Variants in LZTFL1 observed in about 807,000 individuals in gnomAD.
LZTFL1 encodes leucine zipper transcription factor like 1, also known as leucine zipper transcription factor-like protein 1.
In LZTFL1, 25 loss-of-function variants were observed where a neutral mutation model predicts 45.9. That is an observed-to-expected ratio of 0.54 (90% CI 0.40 to 0.76). LZTFL1 has a LOEUF of 0.76. Ranked by LOEUF, LZTFL1 falls within the 30% of genes least tolerant of loss-of-function variation. The pLI, the probability that LZTFL1 is intolerant of heterozygous loss-of-function variation, is 0.00. For missense variants in LZTFL1, 277 were observed against 331.1 expected, an observed-to-expected ratio of 0.84 and a Z score of 1.27; for synonymous variants, 93 against 117.4, an observed-to-expected ratio of 0.79 and a Z score of 1.35.
exon 4 of LZTFL1, chr3:45,855,051 C>T: frequency 6.5e-7 from 1 of 1,533,780 alleles, no homozygotes; most frequent in Non-Finnish European, 8.7e-7. Context: ...TAGGGTACAA[C>T]TTGATGGATT....
In LZTFL1 at chr3:45,841,831, T is replaced by C. The variant is rs894609261; in HGVS notation, c.3+158A>G. The C allele has an allele frequency of 1.6e-5, 15 of 958,496 alleles. No homozygotes were observed. In the African/African-American group the frequency reaches 2.1e-4, roughly 14 times the overall value. 59.4% of individuals were successfully genotyped at this position (958,496 alleles called of 1,614,324 possible). Reference sequence around the variant, plus strand: ...AGGGCTTGGGCTGCGGTTAACCGAATCTCTCGCGCCCGGCGCAGCTCCCCT... The same window carrying C: ...AGGGCTTGGGCTGCGGTTAACCGAACCTCTCGCGCCCGGCGCAGCTCCCCT... On this transcript the variant is annotated intron_variant, in intron 1 of 9. Coordinates refer to ENST00000296135, the MANE Select transcript of LZTFL1 (RefSeq NM_020347.4).
intron 2 of LZTFL1, among the ~76,000 whole-genome samples, chr3:45,888,776 A>G (rs1404503284): frequency 6.6e-6 from 1 of 152,218 alleles, no homozygotes; most frequent in East Asian, 1.9e-4. Flanking sequence ...AGAATAAAAT[A>G]TTTGAGAAGT....
At chr3:45,882,147 T>C (rs1003545465) in intron 2 of LZTFL1, among the ~76,000 whole-genome samples, 1 of 152,230 alleles carries the variant, frequency 6.6e-6, no homozygotes, top group African/African-American at 2.4e-5. Flanking sequence ...TGCATTAATT[T>C]AGTCAGAAGA....
intron 2 of LZTFL1, chr3:45,902,011 T>C: frequency 1.0e-5 from 9 of 897,822 alleles, no homozygotes; most frequent in Non-Finnish European, 1.5e-5. Context: ...CAGAAAGGGA[T>C]GAATCTGAAC....
intron 7 of LZTFL1, among the ~76,000 whole-genome samples, chr3:45,829,608 G>GAAAAAAAAAAAAAAAAAAAAAAAAAAA (rs1206418827): frequency 1.7e-5 from 1 of 58,932 alleles, no homozygotes; most frequent in Admixed American, 2.4e-4. Context: ...TGTCTCAAAA[G>GAAAAAAAAAAAAAAAAAAAAAAAAAAA]AAAAAAAAAA....
chr3:45,897,436 A>T, intron 2 of LZTFL1: 1 of 704,316 alleles, frequency 1.4e-6, no homozygotes, highest in East Asian at 2.7e-5. Context: ...CCAGCAGGAC[A>T]CAATGTCCTT....
intron 4 of LZTFL1, among the ~76,000 whole-genome samples, chr3:45,848,401 A>T (rs756234898): frequency 6.6e-6 from 1 of 152,266 alleles, no homozygotes; most frequent in Non-Finnish European, 1.5e-5. Context: ...TACTTCCAGC[A>T]TCATTAGTGA....
Position 45,872,944 on chromosome 3 carries a change from T to C in LZTFL1, c.-214-13928A>G, listed in dbSNP as rs536495241. Among the ~76,000 whole-genome samples, 310 of 152,364 alleles carry C rather than the reference T, an allele frequency of 2.0e-3. 2 individuals are homozygous for C. The highest frequency in any genetic ancestry group is 0.017 in the Middle Eastern group (5 of 294). ...ATGTCTTAGAAAGAGTATTCTAATC[T>C]AAACTGAGGGCCAGGGCCAAGATAA... On this transcript the variant is annotated intron_variant, in intron 2 of 4. Coordinates refer to the LZTFL1 transcript ENST00000472635.
Position 45,831,876 on chromosome 3 carries a change from T to C in LZTFL1, c.457-738A>G, listed in dbSNP as rs550845787. Among the ~76,000 whole-genome samples, 3 of 152,328 alleles carry C rather than the reference T, an allele frequency of 2.0e-5. No homozygotes were observed. The East Asian group carries it at 5.8e-4, about 29-fold the overall frequency. Reference sequence around the variant, plus strand: ...TCTCTGCTACCCAGTATGACACCTGTAGCACACAGGAGAATATTCTCTGGT... The same window carrying C: ...TCTCTGCTACCCAGTATGACACCTGCAGCACACAGGAGAATATTCTCTGGT... On this transcript the variant is annotated intron_variant, in intron 5 of 9. Transcript: ENST00000296135.
At chr3:45,875,573 G>A (rs1046396829) in intron 2 of LZTFL1, among the ~76,000 whole-genome samples, 1 of 152,122 alleles carries the variant, frequency 6.6e-6, no homozygotes, top group African/African-American at 2.4e-5. Flanking sequence ...TGTAATCCTA[G>A]CACTTTAGGA....
At chr3:45,845,606 T>C (rs2125698181), upstream of LZTFL1, among the ~76,000 whole-genome samples, 1 of 152,332 alleles carries the variant, frequency 6.6e-6, no homozygotes, top group Non-Finnish European at 1.5e-5. Flanking sequence ...AGAGATATAC[T>C]GACAGCTTAT....
At chr3:45,888,719 A>C (rs1702057427) in intron 2 of LZTFL1, among the ~76,000 whole-genome samples, 1 of 152,166 alleles carries the variant, frequency 6.6e-6, no homozygotes. Context: ...CCGCTTTCTC[A>C]CTGGCAAGAC....
rs951873018 is a variant in LZTFL1, at chr3:45,825,710, G to C, written c.*604C>G. The C allele has an allele frequency of 1.3e-5, 2 of 152,180 alleles. No homozygotes were observed. Among genetic ancestry groups the C allele is most frequent in the African/African-American group, 4.8e-5 (2 of 41,432 alleles). 9.4% of individuals were successfully genotyped at this position (152,180 alleles called of 1,614,324 possible). On this transcript the variant is annotated 3_prime_UTR_variant, in exon 10 of 10. Transcript: ENST00000296135. ...AAATGATCTTTAAGATGGAGAGACT[G>C]AGGAAGCTAAGTGAATGTTCATGTT...
Position 45,842,022 on chromosome 3 carries a change from A to C in LZTFL1, c.-31T>G, listed in dbSNP as rs760729903. 1 of 1,607,292 alleles carries C rather than the reference A, an allele frequency of 6.2e-7. No individual in the cohort carries two copies. The highest frequency in any genetic ancestry group is 1.1e-5 in the South Asian group (1 of 90,526). On this transcript the variant is annotated 5_prime_UTR_variant, in exon 1 of 10. Transcript: ENST00000296135. ...CAGGCAGCGGCGGCAGCCTAAAGGA[A>C]CGGGAGAGGCCAGGCGGTGCCCCGC... is the stretch of plus-strand genomic sequence containing the variant.
intron 2 of LZTFL1, among the ~76,000 whole-genome samples, chr3:45,895,378 G>A (rs1575299655): frequency 6.6e-6 from 1 of 152,200 alleles, no homozygotes; most frequent in Non-Finnish European, 1.5e-5. Flanking sequence ...ACACGTAACA[G>A]TATACATTCC....
intron 3 of LZTFL1, among the ~76,000 whole-genome samples, chr3:45,857,467 C>T (rs184340820): frequency 2.0e-5 from 3 of 152,194 alleles, no homozygotes; most frequent in Non-Finnish European, 4.4e-5. Flanking sequence ...ACCACCATGG[C>T]ACACGTTTAC....
At position 45,824,831 on chromosome 3, in the gene LZTFL1, C is replaced by T. The variant is rs1030818899; in HGVS notation, c.*1483G>A. 7 of 398,210 alleles carry T rather than the reference C, an allele frequency of 1.8e-5. No homozygotes were observed. The highest frequency in any genetic ancestry group is 4.1e-5 in the African/African-American group (2 of 48,588). The allele number at this position is 398,210 out of a possible 1,614,324, so 24.7% of individuals were successfully genotyped here. On this transcript the variant is annotated 3_prime_UTR_variant, in exon 10 of 10. Transcript: ENST00000296135. ...TACAGGGTGAGAATGAAGCCCTCAA[C>T]AAAAGCTCCAAAAGGGCACAGAAAC...
intron 1 of LZTFL1, among the ~76,000 whole-genome samples, chr3:45,840,426 T>G (rs1701077343): frequency 6.6e-6 from 1 of 152,196 alleles, no homozygotes; most frequent in South Asian, 2.1e-4. Context: ...AAACCAGGTT[T>G]AGGTCTAGCT....
chr3:45,875,201 C>T (rs1169058131), intron 2 of LZTFL1, among the ~76,000 whole-genome samples: 2 of 56,026 alleles, frequency 3.6e-5, no homozygotes, highest in African/African-American at 8.5e-5. Context: ...CTCCTGCTCC[C>T]TTTGAATGTG....
Sources: allele counts gnomAD v4.1 joint callset (sites outside exome capture counted in the v4.1 genomes callset), GRCh38; gene constraint gnomAD v4.1.1; transcripts MANE v1.5; gene names NCBI Gene and HGNC (gene_info 2026-07-23, HGNC 2026-07-21).